Variants in ARMH3 observed in about 807,000 individuals in gnomAD.
The protein encoded by ARMH3 is armadillo like helical domain containing 3, also known as armadillo-like helical domain-containing protein 3.
In ARMH3, 60 loss-of-function variants were observed where a neutral mutation model predicts 99.1. That is an observed-to-expected ratio of 0.61 (90% CI 0.49 to 0.75). ARMH3 has a LOEUF of 0.75. ARMH3 is among the 30% of genes least tolerant of loss of function. The probability of loss-of-function intolerance (pLI) is 0.00; values close to 1 mark genes in which losing one functional copy is unlikely to be tolerated. For synonymous variants in ARMH3, 285 were observed against 292.8 expected (o/e 0.97, Z 0.27); for missense variants, 679 against 843.1 (o/e 0.81, Z 2.41).
At chr10:101,872,007 A>G (rs2135369446) in intron 24 of ARMH3, among the ~76,000 whole-genome samples, 1 of 152,228 alleles carries the variant, frequency 6.6e-6, no homozygotes, top group East Asian at 1.9e-4. Context: ...AAAAAAAAGA[A>G]AAAAAGAAAG....
At chr10:102,025,906 A>G (rs2066990798) in intron 5 of ARMH3, among the ~76,000 whole-genome samples, 2 of 152,088 alleles carry the variant, frequency 1.3e-5, no homozygotes, top group South Asian at 4.1e-4. Context: ...CAGCCTCCCA[A>G]AGAGTTGGCA....
chr10:101,914,357 G>A (rs1028937825), intron 23 of ARMH3, among the ~76,000 whole-genome samples: 6 of 150,918 alleles, frequency 4.0e-5, no homozygotes, highest in Non-Finnish European at 5.9e-5. Context: ...GCATGGTGGC[G>A]GGTACCTGTA....
At chr10:101,881,115 A>G (rs2067405633) in intron 24 of ARMH3, among the ~76,000 whole-genome samples, 1 of 152,210 alleles carries the variant, frequency 6.6e-6, no homozygotes, top group Non-Finnish European at 1.5e-5. Context: ...CTGTTTTGTC[A>G]TAATACTTTT....
chr10:101,933,944 T>C (rs1389790222), intron 23 of ARMH3, among the ~76,000 whole-genome samples: 3 of 152,228 alleles, frequency 2.0e-5, no homozygotes, highest in Non-Finnish European at 4.4e-5. Flanking sequence ...TCTCTCTCAT[T>C]GGTAACCATT....
chr10:101,992,967 A>G (rs973103523), intron 17 of ARMH3, among the ~76,000 whole-genome samples: 5 of 151,972 alleles, frequency 3.3e-5, no homozygotes, highest in South Asian at 2.1e-4. Context: ...GCTGAAACCT[A>G]TATTATTGAA....
intron 1 of ARMH3, among the ~76,000 whole-genome samples, chr10:102,047,101 T>A (rs141161069): frequency 3.2e-4 from 48 of 152,196 alleles, no homozygotes; most frequent in African/African-American, 1.1e-3. Flanking sequence ...AGAATCTGAG[T>A]GTCTAGTCAA....
At chr10:101,979,621 A>G (rs1846146002) in intron 19 of ARMH3, among the ~76,000 whole-genome samples, 1 of 152,186 alleles carries the variant, frequency 6.6e-6, no homozygotes, top group Non-Finnish European at 1.5e-5. Flanking sequence ...TAAAAACACT[A>G]AATTGTATAA....
chr10:101,987,597 C>A lies in ARMH3; in HGVS notation c.1406+2954G>T, dbSNP rs568638280. Among the ~76,000 whole-genome samples, 39 of 152,300 alleles carry A rather than the reference C, an allele frequency of 2.6e-4. No individual in the cohort carries two copies. In the East Asian group the frequency reaches 7.5e-3, roughly 29 times the overall value. On this transcript the variant is annotated intron_variant, in intron 19 of 25. Transcript: ENST00000370033. ...CATATAGTCCCTTTCCACATTGCAACAGGGTTGGTCTGTGTGACCATTAGA... is the reference window on the plus strand; with the variant it reads ...CATATAGTCCCTTTCCACATTGCAAAAGGGTTGGTCTGTGTGACCATTAGA...
At chr10:102,046,813 C>G (rs781443071) in intron 1 of ARMH3, among the ~76,000 whole-genome samples, 5 of 152,128 alleles carry the variant, frequency 3.3e-5, no homozygotes, top group Non-Finnish European at 5.9e-5. Context: ...TATACATAAA[C>G]AAAGCTGAGG....
intron 8 of ARMH3, among the ~76,000 whole-genome samples, chr10:102,021,297 C>T (rs1275085251): frequency 6.6e-6 from 1 of 151,942 alleles, no homozygotes; most frequent in East Asian, 1.9e-4. Flanking sequence ...CCAGGCTGGT[C>T]TCGAACTCCT....
chr10:101,916,636 T>A (rs1184195655), intron 23 of ARMH3, among the ~76,000 whole-genome samples: 4 of 152,198 alleles, frequency 2.6e-5, no homozygotes, highest in African/African-American at 9.7e-5. Context: ...GTTAATTTTA[T>A]TATCAACTTG....
chr10:101,874,585 T>C (rs1010045099), intron 24 of ARMH3, among the ~76,000 whole-genome samples: 3 of 152,162 alleles, frequency 2.0e-5, no homozygotes, highest in African/African-American at 7.2e-5. Context: ...GAAGGTTTTT[T>C]AGTGGGTGTA....
intron 19 of ARMH3, among the ~76,000 whole-genome samples, chr10:101,976,981 C>T (rs1017841264): frequency 3.3e-5 from 5 of 152,062 alleles, no homozygotes; most frequent in Non-Finnish European, 7.4e-5. Flanking sequence ...TCTTTCTTTT[C>T]CTTTCTTTTC....
chr10:101,865,738 C>T (rs1322289862), intron 24 of ARMH3, among the ~76,000 whole-genome samples: 1 of 151,576 alleles, frequency 6.6e-6, no homozygotes, highest in Non-Finnish European at 1.5e-5. Context: ...ATCCGCCCAC[C>T]TCGGCCTTCC....
At chr10:101,864,461 T>G (rs958429206) in intron 24 of ARMH3, among the ~76,000 whole-genome samples, 1 of 152,226 alleles carries the variant, frequency 6.6e-6, no homozygotes, top group Non-Finnish European at 1.5e-5. Flanking sequence ...TATTGCGGCA[T>G]TATTCACAAT....
chr10:102,009,970 C>T lies in ARMH3; in HGVS notation c.878+7G>A, dbSNP rs749067568. The T allele has an allele frequency of 1.9e-6, 3 of 1,613,362 alleles. No individual in the cohort carries two copies. Among genetic ancestry groups the T allele is most frequent in the East Asian group, 2.2e-5 (1 of 44,872 alleles). On this transcript the variant is annotated splice_region_variant and intron_variant, in intron 12 of 25. Coordinates refer to ENST00000370033, the MANE Select transcript of ARMH3 (RefSeq NM_024541.3). ...CAAGTCACTGCACAAGAATGTCAGG[C>T]ACTTACTGTACTGAGATTTTCTCAT... is the stretch of plus-strand genomic sequence containing the variant.
intron 23 of ARMH3, among the ~76,000 whole-genome samples, chr10:101,905,341 T>TA (rs2068077738): frequency 6.6e-6 from 1 of 152,306 alleles, no homozygotes; most frequent in Admixed American, 6.5e-5. Flanking sequence ...GGGCAGGAAT[T>TA]ACGGAAGTAA....
intron 20 of ARMH3, among the ~76,000 whole-genome samples, chr10:101,969,241 A>T (rs1259771435): frequency 2.0e-5 from 3 of 152,222 alleles, no homozygotes; most frequent in Non-Finnish European, 4.4e-5. Context: ...TGAAGGGTAC[A>T]TGAAACTCTA....
intron 1 of ARMH3, among the ~76,000 whole-genome samples, chr10:102,055,298 A>AAAAT (rs60846376): frequency 0.2 from 30,287 of 149,180 alleles, 3,456 homozygotes; most frequent in East Asian, 0.49. Flanking sequence ...ACTCCATCTC[A>AAAAT]AAATAAATAA....
Sources: allele counts gnomAD v4.1 joint callset (sites outside exome capture counted in the v4.1 genomes callset), GRCh38; gene constraint gnomAD v4.1.1; transcripts MANE v1.5; gene names NCBI Gene and HGNC (gene_info 2026-07-23, HGNC 2026-07-21).